ASMTL: variants seen among roughly 807,000 people sequenced by gnomAD.
ASMTL encodes acetylserotonin O-methyltransferase like.
A neutral mutation model predicts 60.3 loss-of-function variants in ASMTL; 57 were observed. The observed-to-expected ratio is 0.95, with a 90% confidence interval of 0.76 to 1.18. The LOEUF (loss-of-function observed/expected upper bound fraction) is 1.18, where lower values mean the gene tolerates loss of function less well. ASMTL is among the 50% of genes most tolerant of loss of function. The pLI, the probability that ASMTL is intolerant of heterozygous loss-of-function variation, is 0.00. For synonymous variants in ASMTL, 419 were observed against 373.0 expected, an observed-to-expected ratio of 1.12 and a Z score of -1.42; for missense variants, 981 against 852.6, an observed-to-expected ratio of 1.15 and a Z score of -1.88.
At chrX:1,432,060 T>C in intron 6 of ASMTL, 3 of 595,124 alleles carry the variant, frequency 5.0e-6, no homozygotes, top group Non-Finnish European at 9.0e-6. Context: ...CCTGCCCCTC[T>C]CTGTCCTGGG....
intron 2 of ASMTL, among the ~76,000 whole-genome samples, chrX:1,439,437 G>A (rs1380084769): frequency 2.0e-5 from 3 of 152,228 alleles, no homozygotes; most frequent in African/African-American, 4.8e-5. Flanking sequence ...TGCCTGTTCC[G>A]TAAGCTTTTG....
intron 1 of ASMTL, among the ~76,000 whole-genome samples, chrX:1,449,004 C>T (rs1311045937): frequency 7.2e-5 from 11 of 152,120 alleles, no homozygotes; most frequent in African/African-American, 1.7e-4. Context: ...TGAAATAAAC[C>T]GCCTCTGACC....
chrX:1,434,485 G>GTGACCCGTGGGAGCTACAAAGCGAGTT (rs2090906487), intron 5 of ASMTL, among the ~76,000 whole-genome samples: 1 of 112,028 alleles, frequency 8.9e-6, no homozygotes, highest in African/African-American at 3.6e-5. Context: ...GGGAGACCCT[G>GTGACCCGTGGGAGCTACAAAGCGAGTT]TCTCAAAAAA....
chrX:1,440,468 T>C (rs2091083315), intron 2 of ASMTL, among the ~76,000 whole-genome samples: 1 of 152,224 alleles, frequency 6.6e-6, no homozygotes, highest in Non-Finnish European at 1.5e-5. Flanking sequence ...ATTAACTCTA[T>C]ATCCTAAATG....
intron 8 of ASMTL, among the ~76,000 whole-genome samples, chrX:1,425,045 CATCCATCCATCCATCT>C (rs1386089767): frequency 1.3e-5 from 2 of 148,962 alleles, no homozygotes; most frequent in Non-Finnish European, 3.0e-5. Flanking sequence ...ATCCACCTAC[CATCCATCCATCCATCT>C]ATCCATCCAT....
At chrX:1,430,930 TTATA>T (rs1279242666) in intron 6 of ASMTL, among the ~76,000 whole-genome samples, 1 of 143,046 alleles carries the variant, frequency 7.0e-6, no homozygotes, top group African/African-American at 2.5e-5. Context: ...ACATTATATA[TTATA>T]TATAACTAAT....
At position 1,427,948 on chromosome X, in the gene ASMTL, G is replaced by C. The variant is rs747895247; in HGVS notation, c.683C>G (p.Ser228Cys). ...EDLRRSVKHDSIPAADTFEDL... is the reference protein window; with the variant it reads ...EDLRRSVKHDCIPAADTFEDL... ...TTCGAAGGTGTCCGCGGCCGGGATG[G>C]AGTCGTGCTTGACACTCCGCCGCAG... Residue 228 changes from serine to cysteine, a missense_variant, in exon 7 of 13, where the codon TCC (serine) becomes TGC (cysteine). Ser to Cys is a moderately radical substitution (Grantham distance 112). Coordinates refer to ENST00000381317, the MANE Select transcript of ASMTL (RefSeq NM_004192.4). 1.9e-6 allele frequency: 3 copies of C among 1,613,380 alleles called. No homozygotes were observed. Among genetic ancestry groups the C allele is most frequent in the East Asian group, 4.5e-5 (2 of 44,892 alleles).
At chrX:1,443,150 TTGGACACACACCGCCATCG>T (rs1440114537) in intron 1 of ASMTL, among the ~76,000 whole-genome samples, 9 of 71,680 alleles carry the variant, frequency 1.3e-4, no homozygotes, top group Admixed American at 1.1e-3. Flanking sequence ...CGCCGCCATC[TTGGACACACACCGCCATCG>T]TGGACACACA....
intron 8 of ASMTL, among the ~76,000 whole-genome samples, chrX:1,422,697 T>C (rs1382524166): frequency 6.6e-6 from 1 of 152,158 alleles, no homozygotes; most frequent in Non-Finnish European, 1.5e-5. Context: ...CCTGTGTTCA[T>C]GTTAATGATG....
intron 2 of ASMTL, chrX:1,441,763 A>G (rs2149341667): frequency 6.0e-6 from 1 of 165,728 alleles, no homozygotes; most frequent in East Asian, 1.8e-4. Context: ...TAGATAAGCT[A>G]CATTAATTCT....
intron 1 of ASMTL, among the ~76,000 whole-genome samples, chrX:1,448,693 C>A (rs1215313650): frequency 2.6e-5 from 4 of 151,362 alleles, no homozygotes; most frequent in Non-Finnish European, 5.9e-5. Context: ...ACACACACTG[C>A]CATCTTGGAG....
chrX:1,417,748 G>T (rs59384133), intron 11 of ASMTL, among the ~76,000 whole-genome samples: 2 of 150,084 alleles, frequency 1.3e-5, no homozygotes, highest in Non-Finnish European at 3.0e-5. Context: ...ACATGCTCAC[G>T]CACAGACATG....
At chrX:1,435,673 A>T (rs757993320) in intron 4 of ASMTL, 21 bp downstream of exon 4, 1 of 1,612,882 alleles carries the variant, frequency 6.2e-7, no homozygotes, top group East Asian at 2.2e-5. Context: ...GAGAGGGCTC[A>T]GAGGCCAACA....
At chrX:1,438,434 C>T (rs1416702941) in intron 3 of ASMTL, among the ~76,000 whole-genome samples, 1 of 152,204 alleles carries the variant, frequency 6.6e-6, no homozygotes, top group African/African-American at 2.4e-5. Context: ...AAGACCAAGA[C>T]CAACTTCTCC....
At chrX:1,451,295 G>C (rs749839444) in intron 1 of ASMTL, among the ~76,000 whole-genome samples, 15 of 146,788 alleles carry the variant, frequency 1.0e-4, no homozygotes, top group Admixed American at 2.0e-4. Context: ...GGGGGTCCTG[G>C]GTTACTCTCC....
At chrX:1,428,830 T>C (rs1389060777) in intron 6 of ASMTL, among the ~76,000 whole-genome samples, 2 of 146,950 alleles carry the variant, frequency 1.4e-5, no homozygotes, top group African/African-American at 5.0e-5. Context: ...AAGACACTGT[T>C]CCTATAAACC....
chrX:1,434,615 C>A (rs1352080292), intron 5 of ASMTL, among the ~76,000 whole-genome samples: 1 of 151,378 alleles, frequency 6.6e-6, no homozygotes, highest in Non-Finnish European at 1.5e-5. Context: ...ACCAGCCTGG[C>A]CAACATGGTG....
At position 1,413,010 on chromosome X, in the gene ASMTL, A is replaced by T. The variant is rs2090094774; in HGVS notation, c.1523-156T>A. The T allele has an allele frequency of 5.1e-6, 4 of 781,018 alleles. No homozygotes were observed. In the Admixed American group the frequency reaches 9.5e-5, roughly 18 times the overall value. 48.4% of individuals were successfully genotyped at this position (781,018 alleles called of 1,614,324 possible). A position where few individuals can be genotyped will look rare whatever the true frequency, so the allele number is the denominator to read the frequency against. Reference sequence around the variant, plus strand: ...CTTCCTGAAGTACATCCCCGTGGGGACTTGAACAGAGCTCCATGAGGAGCT... The same window carrying T: ...CTTCCTGAAGTACATCCCCGTGGGGTCTTGAACAGAGCTCCATGAGGAGCT... On this transcript the variant is annotated intron_variant, in intron 11 of 12. Transcript: ENST00000381317.
At chrX:1,444,257 G>A (rs1217454873) in intron 1 of ASMTL, among the ~76,000 whole-genome samples, 3 of 150,256 alleles carry the variant, frequency 2.0e-5, no homozygotes, top group East Asian at 3.9e-4. Flanking sequence ...GCCCAGGCTG[G>A]AGGGGCAGTG....
Sources: gnomAD v4.1 joint callset for allele counts (sites outside exome capture counted in the v4.1 genomes callset) on GRCh38, gnomAD v4.1.1 for gene constraint, MANE v1.5 for transcripts, NCBI Gene and HGNC (gene_info 2026-07-23, HGNC 2026-07-21) for gene names.